The following DOCK1 variants were observed in gnomAD, a reference collection of about 807,000 sequenced individuals.
DOCK1 encodes the protein dedicator of cytokinesis protein 1.
In DOCK1, 138 loss-of-function variants were observed where a neutral mutation model predicts 262.7. That is an observed-to-expected ratio of 0.53 (90% confidence interval 0.46 to 0.61). DOCK1 has a LOEUF of 0.61. DOCK1 is among the 20% of genes least tolerant of loss of function. The pLI is 0.00. For missense variants in DOCK1, 1,908 were observed against 2,370.7 expected, an observed-to-expected ratio of 0.80 and a Z score of 4.05; for synonymous variants, 866 against 867.4, an observed-to-expected ratio of 1.00 and a Z score of 0.03.
At chr10:126,933,717 T>C (rs2034350425) in intron 1 of DOCK1, among the ~76,000 whole-genome samples, 2 of 152,182 alleles carry the variant, frequency 1.3e-5, no homozygotes, top group Non-Finnish European at 2.9e-5. Context: ...CTTTGAGGCA[T>C]TGATGTTTTG....
intron 29 of DOCK1, among the ~76,000 whole-genome samples, chr10:127,280,750 C>T (rs1017826101): frequency 6.6e-6 from 1 of 152,184 alleles, no homozygotes; most frequent in African/African-American, 2.4e-5. Context: ...AGGTTTCATA[C>T]TGTTGTCGAC....
At chr10:127,178,652 C>G (rs1340254860) in intron 27 of DOCK1, among the ~76,000 whole-genome samples, 2 of 152,140 alleles carry the variant, frequency 1.3e-5, no homozygotes, top group Non-Finnish European at 2.9e-5. Flanking sequence ...TGGTGCTTTA[C>G]TAGGTGCTGG....
At chr10:127,329,460 G>A (rs1039119026) in intron 29 of DOCK1, among the ~76,000 whole-genome samples, 1 of 151,664 alleles carries the variant, frequency 6.6e-6, no homozygotes, top group Admixed American at 6.6e-5. Context: ...GGATCCCTGG[G>A]GTGAACGGAC....
At chr10:127,200,163 G>A (rs923871961) in intron 27 of DOCK1, among the ~76,000 whole-genome samples, 79 of 152,072 alleles carry the variant, frequency 5.2e-4, no homozygotes, top group African/African-American at 1.8e-3. Flanking sequence ...GAGGGTTCCC[G>A]GATCTCACAC....
At chr10:127,126,936 C>G (rs1260649032) in intron 26 of DOCK1, among the ~76,000 whole-genome samples, 1 of 152,118 alleles carries the variant, frequency 6.6e-6, no homozygotes, top group Non-Finnish European at 1.5e-5. Context: ...CTTGGTGATG[C>G]TGGAAACCTC....
intron 23 of DOCK1, among the ~76,000 whole-genome samples, chr10:127,078,471 C>T (rs2046700489): frequency 6.6e-6 from 1 of 152,068 alleles, no homozygotes; most frequent in Non-Finnish European, 1.5e-5. Context: ...GGGTTGGTAC[C>T]TCCTCTGCAT....
At chr10:127,405,965 T>C (rs2067491554) in intron 40 of DOCK1, among the ~76,000 whole-genome samples, 2 of 152,204 alleles carry the variant, frequency 1.3e-5, no homozygotes, top group South Asian at 4.1e-4. Flanking sequence ...AATTTGAAAT[T>C]AGCTTCATTC....
chr10:126,946,873 C>T (rs1341520291), intron 1 of DOCK1, among the ~76,000 whole-genome samples: 4 of 152,222 alleles, frequency 2.6e-5, no homozygotes, highest in Admixed American at 2.6e-4. Flanking sequence ...AACTTGTCCA[C>T]TCTTTGCTGG....
intron 4 of DOCK1, among the ~76,000 whole-genome samples, chr10:126,984,616 G>A (rs2039227509): frequency 6.6e-6 from 1 of 151,810 alleles, no homozygotes; most frequent in Admixed American, 6.6e-5. Flanking sequence ...TGATCTGCCT[G>A]CCTTGGCCTC....
At chr10:127,026,077 GA>G (rs1303457615) in intron 15 of DOCK1, 1 of 187,176 alleles carries the variant, frequency 5.3e-6, no homozygotes, top group East Asian at 1.6e-4. Flanking sequence ...AAAAAAGAAA[GA>G]AAAAAGAATC....
chr10:127,260,834 T>A (rs1465090178), intron 29 of DOCK1, among the ~76,000 whole-genome samples: 5 of 136,406 alleles, frequency 3.7e-5, no homozygotes, highest in Non-Finnish European at 6.2e-5. Context: ...TGTGCATGGG[T>A]GTGCGTGTGT....
At chr10:127,093,316 G>C (rs1350620653) in intron 23 of DOCK1, among the ~76,000 whole-genome samples, 1 of 143,246 alleles carries the variant, frequency 7.0e-6, no homozygotes, top group Non-Finnish European at 1.5e-5. Flanking sequence ...CGTGATCTCG[G>C]CTCACTGCAA....
At chr10:126,996,653 T>C in intron 6 of DOCK1, 95 bp from the exon 7 acceptor site, 1 of 1,317,812 alleles carries the variant, frequency 7.6e-7, no homozygotes. Flanking sequence ...TTCTAGGTTG[T>C]TTTTACCTGC....
intron 10 of DOCK1, among the ~76,000 whole-genome samples, chr10:127,004,780 G>GCCCCGCCCCCCCCCC (rs1477094845): frequency 2.0e-5 from 1 of 51,248 alleles, no homozygotes; most frequent in African/African-American, 8.0e-5. Context: ...CCACCCCCCC[G>GCCCCGCCCCCCCCCC]CCCCAAAAAA....
chr10:127,321,190 C>G (rs889586888), intron 29 of DOCK1, among the ~76,000 whole-genome samples: 17 of 150,874 alleles, frequency 1.1e-4, no homozygotes, highest in African/African-American at 3.9e-4. Flanking sequence ...TCCTTCTCTC[C>G]CTCTCGCTCT....
intron 31 of DOCK1, 24 bp from the exon 32 acceptor site, chr10:127,354,645 G>T (rs745898339): frequency 1.2e-6 from 2 of 1,613,562 alleles, no homozygotes; most frequent in Non-Finnish European, 1.7e-6. Flanking sequence ...GTGATTCAGC[G>T]TTTTTCTTTT....
rs1396614174 is a variant in DOCK1, at chr10:127,402,915, T to C, written c.3928-140T>C. The C allele has an allele frequency of 2.0e-5, 17 of 848,988 alleles. No homozygotes were observed. The Admixed American group carries it at 3.0e-4, about 15-fold the overall frequency. The allele number at this position is 848,988 out of a possible 1,614,324, so 52.6% of individuals were successfully genotyped here. ...GACATGAGACTCAAGAAAATATTTG[T>C]ATTTTTTCGGTGTTATTCCCATAAT... On this transcript the variant is annotated intron_variant, in intron 38 of 51. Coordinates refer to ENST00000623213, the MANE Select transcript of DOCK1 (RefSeq NM_001290223.2).
chr10:127,072,507 G>A (rs1327122542), intron 23 of DOCK1, among the ~76,000 whole-genome samples: 1 of 152,222 alleles, frequency 6.6e-6, no homozygotes, highest in African/African-American at 2.4e-5. Flanking sequence ...AGGTCAGGGT[G>A]ACAAGGTATA....
At chr10:127,173,692 A>AT in intron 27 of DOCK1, among the ~76,000 whole-genome samples, 1 of 152,096 alleles carries the variant, frequency 6.6e-6, no homozygotes, top group Non-Finnish European at 1.5e-5. Context: ...TGACCTTTTA[A>AT]TTTTTTTGCA....
Sources: allele counts gnomAD v4.1 joint callset (sites outside exome capture counted in the v4.1 genomes callset), GRCh38; gene constraint gnomAD v4.1.1; transcripts MANE v1.5; gene names NCBI Gene and HGNC (gene_info 2026-07-23, HGNC 2026-07-21).